PDE10A: variants seen among roughly 807,000 people sequenced by gnomAD.
The protein encoded by PDE10A is phosphodiesterase 10A, also known as cAMP and cAMP-inhibited cGMP 3',5'-cyclic phosphodiesterase 10A.
PDE10A carries 39 observed loss-of-function variants against 97.7 expected under a neutral mutation model. The ratio of observed to expected loss-of-function variants is 0.40; its 90% CI spans 0.31 to 0.52. The LOEUF is 0.52. PDE10A is among the 20% of genes least tolerant of loss of function. PDE10A has a pLI of 0.56. For missense variants in PDE10A, 731 were observed against 1,047.8 expected (o/e 0.70, Z 4.17); for synonymous variants, 371 against 376.8 (o/e 0.98, Z 0.18).
chr6:165,941,578 C>T (rs1203500036), intron 1 of PDE10A, among the ~76,000 whole-genome samples: 1 of 152,144 alleles, frequency 6.6e-6, no homozygotes, highest in Non-Finnish European at 1.5e-5. Context: ...GTGCTGTCTT[C>T]CTGATAGAGT....
At chr6:165,935,318 G>C (rs1476764912) in intron 1 of PDE10A, among the ~76,000 whole-genome samples, 1 of 152,174 alleles carries the variant, frequency 6.6e-6, no homozygotes, top group Admixed American at 6.5e-5. Flanking sequence ...GTGTGCAAAG[G>C]CACAGAGATA....
intron 1 of PDE10A, among the ~76,000 whole-genome samples, chr6:165,906,781 T>G (rs543436270): frequency 9.9e-5 from 15 of 152,256 alleles, no homozygotes; most frequent in South Asian, 2.1e-4. Flanking sequence ...TCCCTTAGGA[T>G]CAGGAGTTCT....
intron 1 of PDE10A, among the ~76,000 whole-genome samples, chr6:165,580,211 A>C (rs1785536871): frequency 6.6e-6 from 1 of 152,132 alleles, no homozygotes; most frequent in Non-Finnish European, 1.5e-5. Flanking sequence ...AAATGAACCC[A>C]ATACTTGGGG....
At chr6:165,927,181 C>T (rs755324500) in intron 1 of PDE10A, among the ~76,000 whole-genome samples, 25 of 152,008 alleles carry the variant, frequency 1.6e-4, no homozygotes, top group African/African-American at 2.9e-4. Flanking sequence ...CAAACCTGCA[C>T]GTCTTGCACA....
At chr6:165,639,549 C>T (rs1380596391) in intron 1 of PDE10A, among the ~76,000 whole-genome samples, 1 of 151,414 alleles carries the variant, frequency 6.6e-6, no homozygotes, top group East Asian at 2.0e-4. Flanking sequence ...ACCAGCCTGG[C>T]CAACATGGCA....
intron 1 of PDE10A, among the ~76,000 whole-genome samples, chr6:165,659,355 C>T (rs751780820): frequency 6.6e-6 from 1 of 151,936 alleles, no homozygotes; most frequent in Non-Finnish European, 1.5e-5. Flanking sequence ...TTTAAAGAAT[C>T]TAGAAATTCT....
At chr6:165,736,785 G>A (rs1387440602) in intron 1 of PDE10A, among the ~76,000 whole-genome samples, 4 of 152,138 alleles carry the variant, frequency 2.6e-5, no homozygotes, top group African/African-American at 4.8e-5. Flanking sequence ...AAAGTTAGCA[G>A]ATGGAAGGAA....
chr6:165,431,981 A>T (rs1041685242), intron 7 of PDE10A, among the ~76,000 whole-genome samples: 1 of 152,166 alleles, frequency 6.6e-6, no homozygotes, highest in Non-Finnish European at 1.5e-5. Context: ...TCATACACAT[A>T]TATTTATACA....
intron 1 of PDE10A, among the ~76,000 whole-genome samples, chr6:165,818,882 G>A (rs1272521144): frequency 3.3e-5 from 5 of 152,234 alleles, no homozygotes; most frequent in African/African-American, 7.2e-5. Context: ...GCTGTAGTAT[G>A]TTTAGCAGGT....
intron 1 of PDE10A, among the ~76,000 whole-genome samples, chr6:165,677,945 CGT>C (rs914413506): frequency 1.5e-4 from 23 of 150,450 alleles, no homozygotes; most frequent in Non-Finnish European, 2.2e-4. Context: ...TTTGTATATC[CGT>C]GTGTGTGTTT....
intron 3 of PDE10A, among the ~76,000 whole-genome samples, chr6:165,452,645 CCAAAAT>C (rs1421729519): frequency 6.6e-6 from 1 of 152,132 alleles, no homozygotes; most frequent in Non-Finnish European, 1.5e-5. Context: ...CTCCCAGCCT[CCAAAAT>C]TGTAAGAAAT....
intron 18 of PDE10A, among the ~76,000 whole-genome samples, chr6:165,346,378 T>A (rs569659915): frequency 6.6e-6 from 1 of 152,286 alleles, no homozygotes; most frequent in East Asian, 1.9e-4. Flanking sequence ...ATAAGAGTTA[T>A]AAAGACAAGG....
intron 5 of PDE10A, among the ~76,000 whole-genome samples, chr6:165,436,647 A>T (rs1275280167): frequency 1.3e-5 from 2 of 152,218 alleles, no homozygotes; most frequent in East Asian, 1.9e-4. Context: ...TAATTATTTT[A>T]AAAAGAACTA....
intron 19 of PDE10A, among the ~76,000 whole-genome samples, chr6:165,342,528 A>G (rs1330292771): frequency 6.6e-6 from 1 of 152,268 alleles, no homozygotes; most frequent in East Asian, 1.9e-4. Context: ...GAAATAATTC[A>G]ACATGATAAA....
At chr6:165,500,259 G>A (rs1780788367) in intron 2 of PDE10A, among the ~76,000 whole-genome samples, 1 of 150,796 alleles carries the variant, frequency 6.6e-6, no homozygotes. Flanking sequence ...AAAAAAAACT[G>A]ACTACTCACA....
intron 1 of PDE10A, among the ~76,000 whole-genome samples, chr6:165,568,271 T>C (rs1170694241): frequency 6.6e-6 from 1 of 152,126 alleles, no homozygotes; most frequent in Admixed American, 6.6e-5. Context: ...AGTGCTGGGA[T>C]TACAGGCGTG....
At chr6:165,746,301 G>C (rs1203619527) in intron 1 of PDE10A, among the ~76,000 whole-genome samples, 1 of 152,194 alleles carries the variant, frequency 6.6e-6, no homozygotes, top group African/African-American at 2.4e-5. Context: ...CTTGGAGCTG[G>C]TGTTGACACT....
chr6:165,417,234 C>T (rs569992557), intron 11 of PDE10A, among the ~76,000 whole-genome samples: 28 of 152,292 alleles, frequency 1.8e-4, no homozygotes, highest in East Asian at 5.8e-4. Flanking sequence ...TGTCTTTTTC[C>T]TGGTTTTCTT....
At chr6:165,654,262 C>A (rs1225768369) in intron 1 of PDE10A, among the ~76,000 whole-genome samples, 1 of 152,162 alleles carries the variant, frequency 6.6e-6, no homozygotes, top group Non-Finnish European at 1.5e-5. Context: ...TCCCGTCATC[C>A]TCCTCATTGT....
Sources: allele counts gnomAD v4.1 joint callset (sites outside exome capture counted in the v4.1 genomes callset), GRCh38; gene constraint gnomAD v4.1.1; transcripts MANE v1.5; gene names NCBI Gene and HGNC (gene_info 2026-07-23, HGNC 2026-07-21).